The following CRTAC1 variants were observed in gnomAD, a reference collection of about 807,000 sequenced individuals.
CRTAC1 encodes cartilage acidic protein 1.
Under a neutral mutation model 67.8 loss-of-function variants are expected in CRTAC1, and 37 were observed. That is an observed-to-expected ratio of 0.55 (90% CI 0.42 to 0.72). The LOEUF is 0.72. CRTAC1 is among the 30% of genes least tolerant of loss of function. The pLI is 0.00. For missense variants in CRTAC1, 780 were observed against 931.6 expected (o/e 0.84, Z 2.12); for synonymous variants, 348 against 371.0 (o/e 0.94, Z 0.71).
intron 2 of CRTAC1, among the ~76,000 whole-genome samples, chr10:98,002,611 A>C (rs1842710914): frequency 6.6e-6 from 1 of 152,066 alleles, no homozygotes; most frequent in Admixed American, 6.6e-5. Context: ...GTCCCACCAA[A>C]GACAGTGAGA....
At chr10:98,011,072 G>T in intron 2 of CRTAC1, 66 bp downstream of exon 2, 1 of 1,404,220 alleles carries the variant, frequency 7.1e-7, no homozygotes, top group Non-Finnish European at 1.0e-6. Flanking sequence ...GTTTGGAGTT[G>T]TTACACAGCC....
chr10:97,917,265 C>T (rs761022266), intron 5 of CRTAC1, among the ~76,000 whole-genome samples: 8 of 152,202 alleles, frequency 5.3e-5, no homozygotes, highest in Non-Finnish European at 1.2e-4. Context: ...CCAGATGTCC[C>T]CTCTTGGGTA....
intron 8 of CRTAC1, among the ~76,000 whole-genome samples, chr10:97,900,898 C>A (rs2050528435): frequency 7.6e-6 from 1 of 131,700 alleles, no homozygotes; most frequent in Admixed American, 7.2e-5. Flanking sequence ...GAGCCCGTAG[C>A]CCCTTTCTGT....
intron 2 of CRTAC1, among the ~76,000 whole-genome samples, chr10:98,000,055 T>G (rs1590278831): frequency 6.6e-6 from 1 of 152,296 alleles, no homozygotes; most frequent in East Asian, 1.9e-4. Context: ...AGCTGCCCTA[T>G]GGGAGACTGA....
At chr10:97,869,400 C>T (rs2050066034) in intron 14 of CRTAC1, 1 of 152,434 alleles carries the variant, frequency 6.6e-6, no homozygotes, top group African/African-American at 2.4e-5. Context: ...CCTGCACCCA[C>T]CTTGCCAGCC....
chr10:98,005,646 A>G (rs1047116797), intron 2 of CRTAC1, among the ~76,000 whole-genome samples: 1 of 150,922 alleles, frequency 6.6e-6, no homozygotes, highest in Admixed American at 6.6e-5. Context: ...CCTATTATTT[A>G]CCATATCTAT....
At chr10:97,927,223 A>G (rs1398936565) in intron 3 of CRTAC1, among the ~76,000 whole-genome samples, 1 of 152,090 alleles carries the variant, frequency 6.6e-6, no homozygotes, top group East Asian at 1.9e-4. Flanking sequence ...GTCCATCCCG[A>G]GCAACATTTC....
intron 3 of CRTAC1, among the ~76,000 whole-genome samples, chr10:97,935,710 T>TGG (rs1414503077): frequency 6.6e-6 from 1 of 152,034 alleles, no homozygotes; most frequent in Non-Finnish European, 1.5e-5. Context: ...CTGAGAGTAG[T>TGG]GGGGGGCTCC....
chr10:97,904,038 C>T (rs529531573), intron 7 of CRTAC1, among the ~76,000 whole-genome samples: 161 of 151,160 alleles, frequency 1.1e-3, no homozygotes, highest in Middle Eastern at 6.8e-3. Context: ...GGGATGCCAT[C>T]CTGTATCCCC....
intron 14 of CRTAC1, chr10:97,867,955 G>A (rs1012776076): frequency 6.6e-6 from 1 of 152,222 alleles, no homozygotes; most frequent in Non-Finnish European, 1.5e-5. Context: ...CCTTGGGTGG[G>A]GGAACAGGTT....
intron 1 of CRTAC1, among the ~76,000 whole-genome samples, chr10:98,028,868 G>T (rs77512341): frequency 0.013 from 1,976 of 152,126 alleles, 45 homozygotes; most frequent in African/African-American, 0.044. Flanking sequence ...ATGGGATAAG[G>T]TGGAGGATTC....
At chr10:97,909,224 A>T (rs1030688231) in intron 5 of CRTAC1, among the ~76,000 whole-genome samples, 1 of 152,060 alleles carries the variant, frequency 6.6e-6, no homozygotes, top group African/African-American at 2.4e-5. Context: ...GTGGGTTTCA[A>T]ATGAAGACTC....
intron 4 of CRTAC1, among the ~76,000 whole-genome samples, chr10:97,921,947 A>G (rs1335322246): frequency 6.6e-6 from 1 of 151,142 alleles, no homozygotes; most frequent in African/African-American, 2.4e-5. Flanking sequence ...TCCTGTGGTT[A>G]AATGCGTGGG....
chr10:97,900,320 G>T (rs1467699975), intron 8 of CRTAC1, among the ~76,000 whole-genome samples: 5 of 152,240 alleles, frequency 3.3e-5, no homozygotes, highest in Non-Finnish European at 5.9e-5. Flanking sequence ...ATCTGTGGAA[G>T]AAGTGCCCTG....
chr10:97,930,195 T>C (rs1240033913), intron 3 of CRTAC1, among the ~76,000 whole-genome samples: 2 of 152,224 alleles, frequency 1.3e-5, no homozygotes, highest in African/African-American at 4.8e-5. Context: ...GTGGTCTGTC[T>C]GTTGCAGATC....
chr10:98,010,371 G>T (rs767063571), intron 2 of CRTAC1, among the ~76,000 whole-genome samples: 5 of 152,130 alleles, frequency 3.3e-5, no homozygotes, highest in Non-Finnish European at 7.3e-5. Context: ...ATGGTGATTG[G>T]CAGAAATTTA....
At chr10:97,882,727 G>A in intron 13 of CRTAC1, 59 bp downstream of exon 13, 2 of 1,576,156 alleles carry the variant, frequency 1.3e-6, no homozygotes, top group Non-Finnish European at 1.7e-6. Context: ...AGTCAGGCGG[G>A]CATTCCCCAG....
chr10:97,918,840 G>C (rs980194346), intron 4 of CRTAC1, among the ~76,000 whole-genome samples: 16 of 151,814 alleles, frequency 1.1e-4, no homozygotes, highest in Non-Finnish European at 2.2e-4. Flanking sequence ...CTGCAGTACA[G>C]TGGTGTGATC....
chr10:97,872,894 T>C (rs2050108788), intron 14 of CRTAC1, among the ~76,000 whole-genome samples: 1 of 152,204 alleles, frequency 6.6e-6, no homozygotes, highest in African/African-American at 2.4e-5. Flanking sequence ...ATGTGTCTTG[T>C]TGGGAAGAAT....
Sources: allele counts gnomAD v4.1 joint callset (sites outside exome capture counted in the v4.1 genomes callset), GRCh38; gene constraint gnomAD v4.1.1; transcripts MANE v1.5; gene names NCBI Gene and HGNC (gene_info 2026-07-23, HGNC 2026-07-21).